Variants in DSC2 observed in about 807,000 individuals in gnomAD.
The protein encoded by DSC2 is desmocollin 2.
DSC2 carries 51 observed loss-of-function variants against 87.6 expected under a neutral mutation model. The ratio of observed to expected loss-of-function variants is 0.58; its 90% CI spans 0.46 to 0.74. The LOEUF (loss-of-function observed/expected upper bound fraction) is 0.74. Among genes scored for constraint, DSC2 ranks in the 30% least tolerant of loss-of-function variants. The pLI is 0.00. For synonymous variants in DSC2, 383 were observed against 393.2 expected (o/e 0.97, Z 0.31); for missense variants, 1,066 against 1,089.5 (o/e 0.98, Z 0.30).
At chr18:31,074,563 T>C in intron 12 of DSC2, 120 bp downstream of exon 12, 1 of 957,696 alleles carries the variant, frequency 1.0e-6, no homozygotes, top group Non-Finnish European at 1.6e-6. Context: ...ACACAAAAAC[T>C]GAGAAACTTT....
rs1485100536 is a variant in DSC2, at chr18:31,077,701, C to G, written c.1663+2146G>C. Reference sequence around the variant, plus strand: ...CTCATCTTCTAGTAATAATATAATTCTACATGGACAAAGGCTAATTCCAAA... The same window carrying G: ...CTCATCTTCTAGTAATAATATAATTGTACATGGACAAAGGCTAATTCCAAA... On this transcript the variant is annotated intron_variant, in intron 11 of 15. Transcript: ENST00000280904. 3.3e-5 allele frequency among the ~76,000 whole-genome samples: 5 copies of G among 152,238 alleles called. No homozygotes were observed. In the South Asian group the frequency reaches 1.0e-3, roughly 32 times the overall value.
chr18:31,074,420 AATG>A (rs1567974254), intron 12 of DSC2, among the ~76,000 whole-genome samples: 25 of 108,552 alleles, frequency 2.3e-4, no homozygotes, highest in Non-Finnish European at 3.5e-4. Context: ...AAAGAGAAAA[AATG>A]TGTGTGTGTG....
In DSC2 at chr18:31,101,886, G is replaced by A. The variant is rs1987972998; in HGVS notation, c.69+17C>T. 6.5e-7 allele frequency: 1 copy of A among 1,530,816 alleles called. No individual in the cohort carries two copies. Among genetic ancestry groups the A allele is most frequent in the Admixed American group, 2.0e-5 (1 of 50,346 alleles). The allele number at this position is 1,530,816 out of a possible 1,614,324, so 94.8% of individuals were successfully genotyped here. On this transcript the variant is annotated intron_variant, in intron 1 of 15. Coordinates refer to ENST00000280904, the MANE Select transcript of DSC2 (RefSeq NM_024422.6). ...GATCGCCCCCTTCCCCGGAGCGGTG[G>A]CCGCGGCTACACTCACCGCGAGGGT...
intron 3 of DSC2, chr18:31,091,488 T>C: frequency 2.1e-6 from 1 of 474,256 alleles, no homozygotes; most frequent in South Asian, 1.5e-5. Flanking sequence ...AAAATAAGTG[T>C]GTATGTGCCC....
chr18:31,090,047 C>T (rs1028085141), intron 4 of DSC2, among the ~76,000 whole-genome samples: 4 of 151,620 alleles, frequency 2.6e-5, no homozygotes, highest in Non-Finnish European at 4.4e-5. Flanking sequence ...GTTTTTTGTT[C>T]TTTGCCAACA....
chr18:31,087,219 T>A (rs1263305037), intron 6 of DSC2, among the ~76,000 whole-genome samples: 1 of 152,214 alleles, frequency 6.6e-6, no homozygotes, highest in Admixed American at 6.5e-5. Flanking sequence ...TCTCAGTGAC[T>A]TTCATAATCG....
In DSC2 at chr18:31,080,351, G is replaced by A. The variant is rs1987177812; in HGVS notation, c.1265C>T (p.Pro422Leu). 2 of 1,613,398 alleles carry A rather than the reference G, an allele frequency of 1.2e-6. No homozygotes were observed. The highest frequency in any genetic ancestry group is 2.2e-5 in the South Asian group (2 of 91,070). The stretch of plus-strand genomic sequence containing the variant: ...CTGTTGCTTTTCTTCATAATTCAAA[G>A]GCTACGAAAGCAAATGTATTGAAAA... ...TNEGVLCVVK[P>L]LNYEEKQQMI... The change falls in exon 10 of 16, where the codon CCT becomes CTT. Residue 422 changes from proline (P) to leucine (L), a missense_variant and splice_region_variant. Coordinates refer to ENST00000280904, the MANE Select transcript of DSC2 (RefSeq NM_024422.6).
chr18:31,077,013 A>C (rs1987041545), intron 11 of DSC2, among the ~76,000 whole-genome samples: 2 of 152,152 alleles, frequency 1.3e-5, no homozygotes, highest in Admixed American at 1.3e-4. Flanking sequence ...CCAATATTAA[A>C]ATATTTTTCA....
At chr18:31,085,341 C>A (rs1201738143) in intron 7 of DSC2, among the ~76,000 whole-genome samples, 3 of 151,824 alleles carry the variant, frequency 2.0e-5, no homozygotes. Flanking sequence ...TCATTCTTCC[C>A]ACTAAATTGT....
rs1191093439 is a variant in DSC2 at position 31,092,159 on chromosome 18, G to A, written c.296C>T (p.Ser99Phe). 1.9e-6 allele frequency: 3 copies of A among 1,613,282 alleles called. No individual in the cohort carries two copies. The highest frequency in any genetic ancestry group is 1.7e-5 in the Admixed American group (1 of 59,966). ...CTTCTTTTCTTGGTTCTCAGTGTTG[G>A]AAAGTAATATGGTAAAACTTCTCTT... ...SEKRSFTILLSNTENQEKKKI... is the reference protein window; with the variant it reads ...SEKRSFTILLFNTENQEKKKI... Residue 99 changes from serine to phenylalanine, a missense_variant, in exon 3 of 16, where the codon TCC becomes TTC. Coordinates refer to ENST00000280904, the MANE Select transcript of DSC2 (RefSeq NM_024422.6).
chr18:31,094,329 T>C (rs1179780188), intron 1 of DSC2, among the ~76,000 whole-genome samples: 1 of 152,236 alleles, frequency 6.6e-6, no homozygotes. Context: ...AGAATATTTA[T>C]GTGTTACTCC....
chr18:31,064,011 T>G lies in DSC2; in HGVS notation c.*4004A>C, dbSNP rs1986554672. 1 of 152,354 alleles carries G rather than the reference T, an allele frequency of 6.6e-6. No individual in the cohort carries two copies. Among genetic ancestry groups the G allele is most frequent in the South Asian group, 2.1e-4 (1 of 4,812 alleles). The allele number at this position is 152,354 out of a possible 1,614,324, so 9.4% of individuals were successfully genotyped here. A position where few individuals can be genotyped will look rare whatever the true frequency, so the allele number is the denominator to read the frequency against. Reference sequence around the variant, plus strand: ...AAGCATAAACACCATTGGAGCTGAGTGATGCTGAAGATTTAATCTGGGGTA... The same window carrying G: ...AAGCATAAACACCATTGGAGCTGAGGGATGCTGAAGATTTAATCTGGGGTA... On this transcript the variant is annotated 3_prime_UTR_variant, in exon 16 of 16. Transcript: ENST00000280904.
intron 3 of DSC2, chr18:31,091,531 C>A: frequency 2.2e-6 from 1 of 460,852 alleles, no homozygotes; most frequent in Non-Finnish European, 4.3e-6. Flanking sequence ...TTCCACTCAC[C>A]AGCAACTAGG....
chr18:31,100,933 C>A lies in DSC2; in HGVS notation c.69+970G>T, dbSNP rs897999824. Among the ~76,000 whole-genome samples, 19 of 152,130 alleles carry A rather than the reference C, an allele frequency of 1.2e-4. 2 individuals carry two copies. Among genetic ancestry groups the A allele is most frequent in the Non-Finnish European group, 1.5e-5 (1 of 68,034 alleles). Reference sequence around the variant, plus strand: ...CATTGGCTTTTTGCGTCTTCAGGCTCCCCAACGAGATCCCATCGGTCAAGC... The same window carrying A: ...CATTGGCTTTTTGCGTCTTCAGGCTACCCAACGAGATCCCATCGGTCAAGC... On this transcript the variant is annotated intron_variant, in intron 1 of 15. Coordinates refer to ENST00000280904, the MANE Select transcript of DSC2 (RefSeq NM_024422.6).
chr18:31,100,788 G>A (rs1987916932), intron 1 of DSC2, among the ~76,000 whole-genome samples: 1 of 152,166 alleles, frequency 6.6e-6, no homozygotes, highest in African/African-American at 2.4e-5. Flanking sequence ...GGCGCCCAAC[G>A]CCTTCTGCTT....
At chr18:31,096,241 G>A (rs1421900938) in intron 1 of DSC2, among the ~76,000 whole-genome samples, 1 of 152,134 alleles carries the variant, frequency 6.6e-6, no homozygotes, top group Admixed American at 6.5e-5. Context: ...AAAAATCAGG[G>A]ATAACATTTT....
intron 8 of DSC2, among the ~76,000 whole-genome samples, 190 bp from the exon 9 acceptor site, chr18:31,082,613 C>T (rs377036043): frequency 1.3e-5 from 2 of 152,108 alleles, no homozygotes; most frequent in Non-Finnish European, 2.9e-5. Flanking sequence ...TGGGGATGTG[C>T]ATTTTTTTCT....
At chr18:31,082,208 A>G in intron 9 of DSC2, 30 bp downstream of exon 9, 1 of 1,588,804 alleles carries the variant, frequency 6.3e-7, no homozygotes, top group Non-Finnish European at 8.6e-7. Context: ...GATATTATAA[A>G]CTACAAATAA....
intron 11 of DSC2, 142 bp downstream of exon 11, chr18:31,079,705 T>C (rs1987139582): frequency 1.1e-5 from 10 of 895,466 alleles, no homozygotes; most frequent in African/African-American, 1.7e-5. Context: ...TAATAAATTA[T>C]AGTAAACCTC....
Sources: allele counts gnomAD v4.1 joint callset (sites outside exome capture counted in the v4.1 genomes callset), GRCh38; gene constraint gnomAD v4.1.1; transcripts MANE v1.5; gene names NCBI Gene and HGNC (gene_info 2026-07-23, HGNC 2026-07-21).